The following VMA22 variants were observed in gnomAD, a reference collection of about 807,000 sequenced individuals.
The protein encoded by VMA22 is vacuolar ATPase assembly protein VMA22.
the VMA22 span, chr2:130,342,113 C>G: frequency 6.2e-7 from 1 of 1,613,714 alleles, no homozygotes; most frequent in South Asian, 1.1e-5. Context: ...GCTCGCAGGT[C>G]AAGCGCCGCC....
At chr2:130,339,921 T>TA in the VMA22 span, 2 of 922,474 alleles carry the variant, frequency 2.2e-6, no homozygotes, top group Non-Finnish European at 2.9e-6. Context: ...ACCAGTGCTA[T>TA]GCAGTGGACT....
the VMA22 span, chr2:130,341,888 G>T: frequency 1.2e-6 from 2 of 1,605,338 alleles, no homozygotes; most frequent in Non-Finnish European, 1.7e-6. Context: ...CATACTGCAG[G>T]GGCCCTACCG....
At chr2:130,338,415 C>T in the VMA22 span, 1 of 152,154 alleles carries the variant, frequency 6.6e-6, no homozygotes, top group Non-Finnish European at 1.5e-5. Context: ...TACCTCCAAA[C>T]ATAAACAGCT....
chr2:130,340,157 C>A, the VMA22 span: 1 of 164,320 alleles, frequency 6.1e-6, no homozygotes, highest in South Asian at 1.5e-4. Context: ...TCCCTTACTC[C>A]CATATCTTAT....
At chr2:130,341,293 G>C in the VMA22 span, 1 of 560,962 alleles carries the variant, frequency 1.8e-6, no homozygotes, top group Non-Finnish European at 3.1e-6. Flanking sequence ...CTGTGACACT[G>C]ATCTTACCCA....
the VMA22 span, chr2:130,341,452 T>C: frequency 1.7e-6 from 1 of 580,608 alleles, no homozygotes; most frequent in Non-Finnish European, 3.1e-6. Context: ...CTGAAATGTA[T>C]GTGATTGTAA....
At chr2:130,339,114 C>T in the VMA22 span, 20 of 1,606,982 alleles carry the variant, frequency 1.2e-5, no homozygotes, top group South Asian at 9.9e-5. Context: ...CCTCTTTGCG[C>T]GCATGTCAGG....
chr2:130,340,042 C>T, the VMA22 span: 1 of 229,772 alleles, frequency 4.4e-6, no homozygotes, highest in South Asian at 5.7e-5. Context: ...ACCACACCAA[C>T]TCCTGCCTTC....
chr2:130,339,048 G>C, the VMA22 span: 2 of 1,156,288 alleles, frequency 1.7e-6, no homozygotes, highest in African/African-American at 3.0e-5. Context: ...AATTGTGAAG[G>C]AAGAAGGCCT....
chr2:130,340,514 C>A, the VMA22 span: 1 of 281,216 alleles, frequency 3.6e-6, no homozygotes, highest in South Asian at 3.0e-5. Context: ...CCCAAAATCA[C>A]CCACAAAGCT....
At chr2:130,338,761 G>A in the VMA22 span, 1 of 218,706 alleles carries the variant, frequency 4.6e-6, no homozygotes, top group Non-Finnish European at 9.2e-6. Context: ...TAAGCATGAA[G>A]CGCTACTTCC....
the VMA22 span, chr2:130,341,713 C>CA: frequency 1.9e-6 from 3 of 1,611,720 alleles, no homozygotes; most frequent in Non-Finnish European, 2.5e-6. Flanking sequence ...CACCAGCTCT[C>CA]ACCACCTTGA....
the VMA22 span, chr2:130,342,090 C>A: frequency 6.2e-7 from 1 of 1,613,842 alleles, no homozygotes; most frequent in African/African-American, 1.3e-5. Flanking sequence ...GCAGGACCAG[C>A]GAATCCAGCT....
the VMA22 span, chr2:130,341,007 G>C: frequency 1.2e-6 from 2 of 1,612,210 alleles, no homozygotes; most frequent in Non-Finnish European, 1.7e-6. Context: ...TCCGGTTCTG[G>C]GGTCTTAGTG....
chr2:130,340,141 T>C, the VMA22 span: 1 of 165,164 alleles, frequency 6.1e-6, no homozygotes, highest in Non-Finnish European at 1.3e-5. Flanking sequence ...CCTGGACTCC[T>C]TTCCTTCCCT....
At chr2:130,342,051 C>T in the VMA22 span, 1 of 1,614,010 alleles carries the variant, frequency 6.2e-7, no homozygotes, top group Non-Finnish European at 8.5e-7. Flanking sequence ...TTCGTTTCCC[C>T]TCCAGCTCCT....
chr2:130,342,555 AG>A, the VMA22 span: 1 of 460,940 alleles, frequency 2.2e-6, no homozygotes. Context: ...CGGTTTTTAC[AG>A]TTGAACTGTT....
chr2:130,342,403 G>A, the VMA22 span: 1 of 573,466 alleles, frequency 1.7e-6, no homozygotes, highest in African/African-American at 1.9e-5. Context: ...GAGTCCTTCC[G>A]GAAGCTGCCG....
At chr2:130,339,680 G>C in the VMA22 span, 239,376 of 1,303,792 alleles carry the variant, frequency 0.18, 24,184 homozygotes, top group Non-Finnish European at 0.21. Flanking sequence ...TCTCGTCTTC[G>C]GCCTCCTGTT....
Sources: allele counts gnomAD v4.1 joint callset, GRCh38; gene constraint gnomAD v4.1.1; transcripts MANE v1.5; gene names NCBI Gene and HGNC (gene_info 2026-07-23, HGNC 2026-07-21).